Variants in KIAA1217 observed in about 807,000 individuals in gnomAD.
KIAA1217 encodes KIAA1217.
A neutral mutation model predicts 163.9 loss-of-function variants in KIAA1217; 88 were observed. That is an observed-to-expected ratio of 0.54 (90% CI 0.45 to 0.64). KIAA1217 has a LOEUF of 0.64. Among genes scored for constraint, KIAA1217 ranks in the 30% least tolerant of loss-of-function variants. The pLI, the probability that KIAA1217 is intolerant of heterozygous loss-of-function variation, is 0.00. For synonymous variants in KIAA1217, 903 were observed against 923.1 expected (o/e 0.98, Z 0.39); for missense variants, 2,372 against 2,475.0 (o/e 0.96, Z 0.88).
chr10:24,004,022 C>T (rs181869444), intron 1 of KIAA1217, among the ~76,000 whole-genome samples: 2 of 152,042 alleles, frequency 1.3e-5, no homozygotes, highest in Admixed American at 6.5e-5. Flanking sequence ...CTCTATTGCC[C>T]AGGCTGGAGT....
intron 1 of KIAA1217, among the ~76,000 whole-genome samples, chr10:23,787,053 C>A (rs796907972): frequency 1.3e-5 from 2 of 151,874 alleles, no homozygotes; most frequent in South Asian, 2.1e-4. Flanking sequence ...AATTTAAAAT[C>A]TATCTTTGAG....
intron 2 of KIAA1217, among the ~76,000 whole-genome samples, chr10:24,032,453 C>T (rs1367616473): frequency 6.6e-6 from 1 of 152,064 alleles, no homozygotes; most frequent in East Asian, 1.9e-4. Flanking sequence ...CACTATGTTG[C>T]CCAGGCTGTT....
chr10:24,424,810 C>G (rs1213911116), intron 3 of KIAA1217, among the ~76,000 whole-genome samples: 1 of 152,136 alleles, frequency 6.6e-6, no homozygotes, highest in Non-Finnish European at 1.5e-5. Context: ...ACCATGTTGC[C>G]CAGGATGATC....
chr10:24,201,455 G>A (rs908552348), intron 2 of KIAA1217, among the ~76,000 whole-genome samples: 2 of 152,110 alleles, frequency 1.3e-5, no homozygotes, highest in Admixed American at 1.3e-4. Context: ...AAAGCAAAAC[G>A]ATGTCATCTG....
chr10:24,335,130 G>A (rs11014034), intron 2 of KIAA1217, among the ~76,000 whole-genome samples: 14,451 of 152,028 alleles, frequency 0.095, 788 homozygotes, highest in African/African-American at 0.14. Flanking sequence ...AAAACATTAC[G>A]CTATGGGAAA....
chr10:23,854,208 G>A (rs184131714), intron 1 of KIAA1217, among the ~76,000 whole-genome samples: 1 of 152,006 alleles, frequency 6.6e-6, no homozygotes, highest in Non-Finnish European at 1.5e-5. Flanking sequence ...ATTCTGATAT[G>A]TTGTGTCTTT....
In KIAA1217 at chr10:24,133,070, GA is replaced by G. The variant is rs554008655; in HGVS notation, c.-170-86543del. Among the ~76,000 whole-genome samples the G allele has an allele frequency of 7.3e-3, 1,011 of 138,118 alleles. 11 individuals carry two copies. Among genetic ancestry groups the G allele is most frequent in the African/African-American group, 0.022 (849 of 37,812 alleles). 90.6% of individuals were successfully genotyped at this position (138,118 alleles called of 152,430 possible). A position where few individuals can be genotyped will look rare whatever the true frequency, so the allele number is the denominator to read the frequency against. On this transcript the variant is annotated intron_variant, in intron 2 of 18. Transcript: ENST00000376462. The stretch of plus-strand genomic sequence containing the variant: ...GATGCATCTAATATGGCCACTGAGA[GA>G]AAAAAAAAAAAATGGAACCTCAGGA...
chr10:23,989,874 C>T (rs545683252), intron 1 of KIAA1217, among the ~76,000 whole-genome samples: 1 of 152,284 alleles, frequency 6.6e-6, no homozygotes, highest in Admixed American at 6.5e-5. Flanking sequence ...CACATTGCTT[C>T]ATCTTTTTGA....
chr10:24,508,408 C>A lies in KIAA1217; in HGVS notation c.2002-4851C>A, dbSNP rs1046257806. 3.3e-5 allele frequency among the ~76,000 whole-genome samples: 5 copies of A among 152,300 alleles called. No individual in the cohort carries two copies. In the East Asian group the frequency reaches 7.7e-4, roughly 24 times the overall value. On this transcript the variant is annotated intron_variant, in intron 9 of 20. Coordinates refer to ENST00000376454, the MANE Select transcript of KIAA1217 (RefSeq NM_019590.5). ...ACATAGTTAATGGTGAAACACTAAA[C>A]ACATTCCCCATAAAATCAGGAGCAA...
chr10:24,162,119 G>C (rs2065147401), intron 2 of KIAA1217, among the ~76,000 whole-genome samples: 1 of 152,176 alleles, frequency 6.6e-6, no homozygotes, highest in African/African-American at 2.4e-5. Context: ...CCCTGGAACT[G>C]GTTAAGAAAA....
chr10:24,345,610 T>C (rs931973902), intron 2 of KIAA1217, among the ~76,000 whole-genome samples: 1 of 152,188 alleles, frequency 6.6e-6, no homozygotes, highest in Non-Finnish European at 1.5e-5. Context: ...TGACTAAATA[T>C]ACAGGCAAGG....
chr10:23,934,455 C>G (rs1375370675), intron 1 of KIAA1217, among the ~76,000 whole-genome samples: 2 of 149,062 alleles, frequency 1.3e-5, no homozygotes, highest in African/African-American at 5.0e-5. Context: ...ACACGTATAC[C>G]TATGTAACAA....
intron 2 of KIAA1217, among the ~76,000 whole-genome samples, chr10:24,315,032 C>T (rs1204541363): frequency 6.6e-6 from 1 of 152,184 alleles, no homozygotes; most frequent in East Asian, 1.9e-4. Context: ...TCCATCTTAT[C>T]TTGTCTTGGT....
intron 2 of KIAA1217, among the ~76,000 whole-genome samples, chr10:24,195,656 C>T (rs540217261): frequency 7.9e-5 from 12 of 152,156 alleles, no homozygotes; most frequent in Non-Finnish European, 1.2e-4. Context: ...CTGATGACAG[C>T]GAGATACTGA....
intron 1 of KIAA1217, among the ~76,000 whole-genome samples, chr10:23,918,367 G>C (rs1278202335): frequency 6.6e-6 from 1 of 152,132 alleles, no homozygotes; most frequent in Non-Finnish European, 1.5e-5. Context: ...TCATCTCCAT[G>C]TGAAAAATAA....
chr10:23,756,030 C>T (rs541942053), intron 1 of KIAA1217, among the ~76,000 whole-genome samples: 1 of 152,106 alleles, frequency 6.6e-6, no homozygotes, highest in African/African-American at 2.4e-5. Context: ...GATCATAGCT[C>T]ACTGCAGCCT....
At chr10:23,737,459 C>G (rs917341116) in intron 1 of KIAA1217, among the ~76,000 whole-genome samples, 6 of 152,116 alleles carry the variant, frequency 3.9e-5, no homozygotes, top group Admixed American at 2.6e-4. Flanking sequence ...TCCCAAAGTG[C>G]TGGGATTACA....
At chr10:24,456,705 C>CT (rs755613792) in intron 5 of KIAA1217, among the ~76,000 whole-genome samples, 15,464 of 141,078 alleles carry the variant, frequency 0.11, 852 homozygotes, top group East Asian at 0.17. Context: ...AGGATTAAAC[C>CT]TTTTTTTTTT....
intron 1 of KIAA1217, among the ~76,000 whole-genome samples, chr10:23,916,061 T>C (rs1037863119): frequency 2.6e-5 from 4 of 152,178 alleles, no homozygotes; most frequent in Admixed American, 1.3e-4. Flanking sequence ...CAATATTCTA[T>C]CTGTCACTTT....
Sources: allele counts gnomAD v4.1 joint callset (sites outside exome capture counted in the v4.1 genomes callset), GRCh38; gene constraint gnomAD v4.1.1; transcripts MANE v1.5; gene names NCBI Gene and HGNC (gene_info 2026-07-23, HGNC 2026-07-21).